The following PRH1 variants were observed in gnomAD, a reference collection of about 807,000 sequenced individuals.
PRH1 encodes proline rich protein HaeIII subfamily 1, also known as salivary acidic proline-rich phosphoprotein 1/2.
Under a neutral mutation model 7.9 loss-of-function variants are expected in PRH1, and 7 were observed. The ratio of observed to expected loss-of-function variants is 0.89; its 90% CI spans 0.50 to 1.67. The LOEUF (loss-of-function observed/expected upper bound fraction) is 1.67, where lower values mean the gene tolerates loss of function less well. Ranked by LOEUF, PRH1 falls within the 40% of genes most tolerant of loss-of-function variation. The probability of loss-of-function intolerance (pLI) is 0.00; values close to 1 mark genes in which losing one functional copy is unlikely to be tolerated. For missense variants in PRH1, 109 were observed against 223.6 expected (o/e 0.49, Z 3.27); for synonymous variants, 45 against 80.8 (o/e 0.56, Z 2.38).
chr12:11,158,722 A>G (rs1947326704), intron 1 of PRH1: 1 of 74,948 alleles, frequency 1.3e-5, no homozygotes, highest in African/African-American at 3.0e-5. Flanking sequence ...AAATTAACTT[A>G]TGAGGTCTTC....
intron 1 of PRH1, among the ~76,000 whole-genome samples, chr12:11,164,450 C>A (rs532111053): frequency 9.2e-5 from 14 of 152,270 alleles, no homozygotes; most frequent in Admixed American, 5.9e-4. Flanking sequence ...CCTTTTTACA[C>A]ATGTTTATTA....
intron 2 of PRH1, among the ~76,000 whole-genome samples, chr12:10,928,994 G>A (rs1360428189): frequency 6.6e-6 from 1 of 152,116 alleles, no homozygotes; most frequent in Non-Finnish European, 1.5e-5. Flanking sequence ...CTGATTGCTT[G>A]GACACAGTTC....
chr12:10,948,271 A>G (rs1950517869), intron 2 of PRH1, among the ~76,000 whole-genome samples: 1 of 152,158 alleles, frequency 6.6e-6, no homozygotes, highest in South Asian at 2.1e-4. Context: ...CCAGTGATTT[A>G]CAGATTTAAC....
intron 1 of PRH1, among the ~76,000 whole-genome samples, chr12:11,131,545 TAATACA>T (rs763895449): frequency 2.0e-5 from 3 of 152,274 alleles, no homozygotes; most frequent in African/African-American, 7.2e-5. Flanking sequence ...GAAAATATCA[TAATACA>T]AATATATAAT....
At position 11,026,467 on chromosome 12, in the gene PRH1, T is replaced by C. The variant is rs1941923072; in HGVS notation, c.-126+20553A>G. ...AGATATGTATGGCAGCCGGCAGGAC[T>C]CACATTCTTCGTGAACTGTAGAGTA... On this transcript the variant is annotated intron_variant, in intron 1 of 3. Transcript: ENST00000539853. 3.5e-5 allele frequency among the ~76,000 whole-genome samples: 4 copies of C among 114,960 alleles called. No homozygotes were observed. In the South Asian group the frequency reaches 1.0e-3, roughly 30 times the overall value. The allele number at this position is 114,960 out of a possible 152,430, so 75.4% of individuals were successfully genotyped here. A position where few individuals can be genotyped will look rare whatever the true frequency, so the allele number is the denominator to read the frequency against.
chr12:11,065,503 T>C (rs1004057347), intron 1 of PRH1, among the ~76,000 whole-genome samples: 2 of 152,198 alleles, frequency 1.3e-5, no homozygotes, highest in Non-Finnish European at 2.9e-5. Flanking sequence ...TCTTGGTCTC[T>C]TTATGCTTCA....
intron 1 of PRH1, among the ~76,000 whole-genome samples, chr12:11,093,593 T>C (rs547425205): frequency 8.6e-6 from 1 of 115,920 alleles, no homozygotes; most frequent in Admixed American, 8.7e-5. Context: ...AATGTTTAAA[T>C]ATTTATTATT....
At chr12:11,091,115 C>CACATATATAT (rs751016037) in intron 1 of PRH1, among the ~76,000 whole-genome samples, 1,751 of 25,140 alleles carry the variant, frequency 0.07, 383 homozygotes, top group Non-Finnish European at 0.15. Context: ...CACACACACA[C>CACATATATAT]ATATATATAT....
chr12:10,901,545 G>C (rs1007476824), intron 2 of PRH1, among the ~76,000 whole-genome samples: 1 of 152,050 alleles, frequency 6.6e-6, no homozygotes, highest in African/African-American at 2.4e-5. Flanking sequence ...GGCTGAGCAG[G>C]GAGTTCACAC....
chr12:10,972,689 A>T (rs939007452), intron 2 of PRH1, among the ~76,000 whole-genome samples: 1 of 152,174 alleles, frequency 6.6e-6, no homozygotes, highest in Non-Finnish European at 1.5e-5. Flanking sequence ...TACATAGATT[A>T]TATATTGGAT....
chr12:10,985,575 TATAAG>T (rs1939570761), intron 1 of PRH1, among the ~76,000 whole-genome samples: 2 of 152,116 alleles, frequency 1.3e-5, no homozygotes, highest in Non-Finnish European at 2.9e-5. Flanking sequence ...TCTTAACAAT[TATAAG>T]TAAAGATCAC....
intron 1 of PRH1, among the ~76,000 whole-genome samples, chr12:11,170,680 G>C (rs1947806435): frequency 6.6e-6 from 1 of 152,216 alleles, no homozygotes; most frequent in African/African-American, 2.4e-5. Context: ...AACTTTTTAA[G>C]GGTTTACATG....
chr12:11,168,295 AGAAAGAAGGAAG>A (rs1947678169), intron 1 of PRH1, among the ~76,000 whole-genome samples: 6 of 22,650 alleles, frequency 2.6e-4, no homozygotes, highest in Admixed American at 5.0e-4. Context: ...AAAGAAAGAA[AGAAAGAAGGAAG>A]GAAGGAAGGA....
At chr12:10,918,582 CT>C (rs954134449) in intron 2 of PRH1, among the ~76,000 whole-genome samples, 2 of 152,248 alleles carry the variant, frequency 1.3e-5, no homozygotes, top group African/African-American at 4.8e-5. Flanking sequence ...ACATTTAAGA[CT>C]TTTATTAATA....
At chr12:11,123,711 A>C (rs1945996694) in intron 1 of PRH1, among the ~76,000 whole-genome samples, 1 of 150,872 alleles carries the variant, frequency 6.6e-6, no homozygotes, top group Non-Finnish European at 1.5e-5. Context: ...CTCTAGTCTT[A>C]TATTTTCCAT....
chr12:11,123,736 T>G (rs1336543749), intron 1 of PRH1, among the ~76,000 whole-genome samples: 4 of 152,216 alleles, frequency 2.6e-5, no homozygotes, highest in Admixed American at 1.3e-4. Context: ...CTCTCAGTGC[T>G]TCATTCTTTG....
At position 10,905,778 on chromosome 12, in the gene PRH1, CTAAAGGCCATT is replaced by C. The variant is rs947989584; in HGVS notation, c.-58-21514_-58-21504del. Among the ~76,000 whole-genome samples the C allele has an allele frequency of 1.3e-4, 20 of 152,134 alleles. 1 individual carries two copies. Among genetic ancestry groups the C allele is most frequent in the African/African-American group, 4.1e-4 (17 of 41,502 alleles). ...GTCCTTTGCAGCAGCACGGATGCAG[CTAAAGGCCATT>C]GTCCTGAGTGAATTAATGCAGAAAC... On this transcript the variant is annotated intron_variant, in intron 2 of 3. Coordinates refer to the PRH1 transcript ENST00000539853.
intron 1 of PRH1, among the ~76,000 whole-genome samples, chr12:11,144,053 T>C (rs1262122606): frequency 6.6e-6 from 1 of 152,178 alleles, no homozygotes. Flanking sequence ...GCTCTATTTT[T>C]GTGCTGGTTG....
At chr12:10,901,504 C>T (rs1468338691) in intron 2 of PRH1, among the ~76,000 whole-genome samples, 2 of 152,146 alleles carry the variant, frequency 1.3e-5, no homozygotes, top group East Asian at 3.9e-4. Context: ...CCTTGTCTGG[C>T]CCCACCCACC....
Sources: allele counts gnomAD v4.1 joint callset (sites outside exome capture counted in the v4.1 genomes callset), GRCh38; gene constraint gnomAD v4.1.1; transcripts MANE v1.5; gene names NCBI Gene and HGNC (gene_info 2026-07-23, HGNC 2026-07-21).